SGK3: variants seen among roughly 807,000 people sequenced by gnomAD.
SGK3 encodes serum/glucocorticoid regulated kinase family member 3.
A neutral mutation model predicts 68.5 loss-of-function variants in SGK3; 47 were observed. The observed-to-expected ratio is 0.69, with a 90% CI of 0.54 to 0.87. The LOEUF (loss-of-function observed/expected upper bound fraction) is 0.87, where lower values mean the gene tolerates loss of function less well. Ranked by LOEUF, SGK3 falls within the 40% of genes least tolerant of loss-of-function variation. SGK3 has a pLI of 0.00. For missense variants in SGK3, 479 were observed against 575.5 expected (o/e 0.83, Z 1.72); for synonymous variants, 181 against 189.1 (o/e 0.96, Z 0.35).
At chr8:66,804,597 A>G in intron 4 of SGK3, 150 bp downstream of exon 4, 1 of 778,282 alleles carries the variant, frequency 1.3e-6, no homozygotes, top group Admixed American at 3.0e-5. Flanking sequence ...CTTACTGTCT[A>G]CTAGGCATTG....
chr8:66,828,635 T>G lies in SGK3; in HGVS notation c.418-19T>G. On this transcript the variant is annotated intron_variant, in intron 6 of 16. Transcript: ENST00000521198. Reference sequence around the variant, plus strand: ...GAAGCTCCAATAAGAATGTTGTTTTTCTTTCCCCACCTTCACAGCTACACT... The same window carrying G: ...GAAGCTCCAATAAGAATGTTGTTTTGCTTTCCCCACCTTCACAGCTACACT... 6.2e-7 allele frequency: 1 copy of G among 1,613,864 alleles called. No homozygotes were observed. The highest frequency in any genetic ancestry group is 8.5e-7 in the Non-Finnish European group (1 of 1,179,970).
chr8:66,767,092 G>A (rs1806342580), intron 1 of SGK3, among the ~76,000 whole-genome samples: 1 of 152,188 alleles, frequency 6.6e-6, no homozygotes, highest in African/African-American at 2.4e-5. Flanking sequence ...TGATCCGCCT[G>A]CCTCAGCCTC....
rs1385064293 is a variant in SGK3 at position 66,859,609 on chromosome 8, C to T, written c.*28C>T. The stretch of plus-strand genomic sequence containing the variant: ...AGTTTGCCATTCAGAAACCATTGAG[C>T]AAAATAAGTCTATAGATGGGACTGA... On this transcript the variant is annotated 3_prime_UTR_variant, in exon 17 of 17. Coordinates refer to ENST00000521198, the MANE Select transcript of SGK3 (RefSeq NM_001033578.3). The T allele has an allele frequency of 6.3e-7, 1 of 1,593,070 alleles. No individual in the cohort carries two copies.
intron 2 of SGK3, among the ~76,000 whole-genome samples, chr8:66,794,787 A>G (rs892174780): frequency 1.3e-5 from 2 of 152,078 alleles, no homozygotes; most frequent in Non-Finnish European, 2.9e-5. Flanking sequence ...AAGCCTCTTG[A>G]GTTCTTGTCG....
At chr8:66,765,369 T>C (rs1806285280) in intron 1 of SGK3, among the ~76,000 whole-genome samples, 2 of 152,240 alleles carry the variant, frequency 1.3e-5, no homozygotes, top group African/African-American at 4.8e-5. Flanking sequence ...TGCAGAAATG[T>C]CTACTTAAGT....
intron 1 of SGK3, among the ~76,000 whole-genome samples, chr8:66,768,217 T>A (rs1373280096): frequency 6.6e-6 from 1 of 152,204 alleles, no homozygotes; most frequent in Non-Finnish European, 1.5e-5. Context: ...CACCATAAGT[T>A]ATTACTATTC....
intron 1 of SGK3, chr8:66,768,044 A>C: frequency 1.6e-6 from 1 of 633,992 alleles, no homozygotes; most frequent in Non-Finnish European, 2.9e-6. Flanking sequence ...TTAAGTATAT[A>C]TCTTTAATTT....
At chr8:66,814,815 A>G (rs1208713072) in intron 5 of SGK3, among the ~76,000 whole-genome samples, 1 of 152,180 alleles carries the variant, frequency 6.6e-6, no homozygotes, top group Admixed American at 6.5e-5. Context: ...ACCTACAAAA[A>G]CATTGGTAGA....
chr8:66,841,159 A>G (rs1585799068), intron 13 of SGK3, 49 bp downstream of exon 13: 3 of 1,395,370 alleles, frequency 2.1e-6, no homozygotes, highest in East Asian at 5.0e-5. Context: ...ATAAAATGCA[A>G]ATATGAATTA....
At chr8:66,757,979 C>T (rs546050163) in intron 1 of SGK3, among the ~76,000 whole-genome samples, 1 of 146,214 alleles carries the variant, frequency 6.8e-6, no homozygotes, top group East Asian at 2.0e-4. Flanking sequence ...TATATACACA[C>T]ACACTATATG....
intron 4 of SGK3, among the ~76,000 whole-genome samples, chr8:66,810,825 C>T (rs1414778137): frequency 6.6e-6 from 1 of 152,126 alleles, no homozygotes. Context: ...AGTTCTTATA[C>T]TGCAGTTTAA....
At position 66,740,790 on chromosome 8, in the gene SGK3, C is replaced by T. The variant is rs374620230; in HGVS notation, c.-122+27957C>T. ...GGTGTGGTGGTGCACGCCCGTAGTC[C>T]CAGCTACTCAGGAGGATGAGACGAA... is the stretch of plus-strand genomic sequence containing the variant. On this transcript the variant is annotated intron_variant, in intron 1 of 16. Coordinates refer to ENST00000521198, the MANE Select transcript of SGK3 (RefSeq NM_001033578.3). Among the ~76,000 whole-genome samples, 3 of 151,892 alleles carry T rather than the reference C, an allele frequency of 2.0e-5. No homozygotes were observed. The East Asian group carries it at 5.8e-4, about 29-fold the overall frequency.
At chr8:66,799,253 G>A (rs531559675) in intron 3 of SGK3, among the ~76,000 whole-genome samples, 1 of 152,330 alleles carries the variant, frequency 6.6e-6, no homozygotes, top group African/African-American at 2.4e-5. Flanking sequence ...CAAAGAGCCA[G>A]GCACGATGGT....
At chr8:66,821,959 C>T (rs1808848825) in intron 5 of SGK3, among the ~76,000 whole-genome samples, 1 of 147,464 alleles carries the variant, frequency 6.8e-6, no homozygotes, top group African/African-American at 2.5e-5. Context: ...TTGTCACCAA[C>T]AATATTTGAA....
intron 4 of SGK3, among the ~76,000 whole-genome samples, chr8:66,812,424 G>A (rs1002813580): frequency 6.6e-6 from 1 of 151,996 alleles, no homozygotes; most frequent in African/African-American, 2.4e-5. Context: ...AGGTGTGGTG[G>A]TGCGTGCCTG....
chr8:66,845,629 G>A (rs1027173656), intron 14 of SGK3, among the ~76,000 whole-genome samples: 1 of 152,062 alleles, frequency 6.6e-6, no homozygotes, highest in Non-Finnish European at 1.5e-5. Flanking sequence ...AGGCTCTGAT[G>A]CTTCTCCCAC....
At chr8:66,827,951 G>A (rs530506252) in intron 6 of SGK3, among the ~76,000 whole-genome samples, 153 of 151,974 alleles carry the variant, frequency 1.0e-3, no homozygotes, top group African/African-American at 3.4e-3. Context: ...GTGAAACCCC[G>A]TCTCTACTAA....
intron 5 of SGK3, among the ~76,000 whole-genome samples, chr8:66,818,435 G>C (rs1276263765): frequency 6.6e-6 from 1 of 152,152 alleles, no homozygotes; most frequent in African/African-American, 2.4e-5. Flanking sequence ...ATAACAAAGA[G>C]AAAAGTGCCC....
chr8:66,754,210 A>G (rs1805908669), intron 1 of SGK3, among the ~76,000 whole-genome samples: 2 of 152,230 alleles, frequency 1.3e-5, no homozygotes, highest in South Asian at 4.1e-4. Context: ...AGCATGGGGT[A>G]GAGTTTGGGA....
Sources: allele counts gnomAD v4.1 joint callset (sites outside exome capture counted in the v4.1 genomes callset), GRCh38; gene constraint gnomAD v4.1.1; transcripts MANE v1.5; gene names NCBI Gene and HGNC (gene_info 2026-07-23, HGNC 2026-07-21).